SNTG1: variants seen among roughly 807,000 people sequenced by gnomAD.
SNTG1 encodes the protein syntrophin gamma 1, also known as gamma-1-syntrophin.
In SNTG1, 39 loss-of-function variants were observed where a neutral mutation model predicts 74.7. That is an observed-to-expected ratio of 0.52 (90% CI 0.40 to 0.68). The LOEUF (loss-of-function observed/expected upper bound fraction) is 0.68. Among genes scored for constraint, SNTG1 ranks in the 30% least tolerant of loss-of-function variants. The probability of loss-of-function intolerance (pLI) is 0.00; values close to 1 mark genes in which losing one functional copy is unlikely to be tolerated. For missense variants in SNTG1, 685 were observed against 609.5 expected, an observed-to-expected ratio of 1.12 and a Z score of -1.30; for synonymous variants, 254 against 217.1, an observed-to-expected ratio of 1.17 and a Z score of -1.49.
chr8:50,442,680 T>TAAAAAAAAAAAAA (rs5891365), intron 5 of SNTG1, among the ~76,000 whole-genome samples: 23 of 81,168 alleles, frequency 2.8e-4, no homozygotes, highest in South Asian at 2.1e-3. Context: ...TGTCTATCAG[T>TAAAAAAAAAAAAA]AAAAAAAAAA....
intron 8 of SNTG1, among the ~76,000 whole-genome samples, chr8:50,479,954 T>C (rs908278927): frequency 5.3e-5 from 8 of 152,126 alleles, no homozygotes; most frequent in African/African-American, 1.9e-4. Context: ...GTTAGTTGAT[T>C]AGGATAATAA....
At chr8:50,657,299 C>A (rs955881394) in intron 14 of SNTG1, among the ~76,000 whole-genome samples, 1 of 151,646 alleles carries the variant, frequency 6.6e-6, no homozygotes, top group African/African-American at 2.4e-5. Context: ...AATCTCATGA[C>A]GACATGGGAA....
rs117747218 is a variant in SNTG1 at position 50,346,924 on chromosome 8, T to A, written c.-27-47288T>A. On this transcript the variant is annotated intron_variant, in intron 2 of 18. Transcript: ENST00000642720. ...GGTTGAAGTGAGCAGAAGCTGGTCATGAGGTTTAAGGAAAGAAGTCATCTT... is the reference window on the plus strand; with the variant it reads ...GGTTGAAGTGAGCAGAAGCTGGTCAAGAGGTTTAAGGAAAGAAGTCATCTT... 3.5e-4 allele frequency among the ~76,000 whole-genome samples: 54 copies of A among 152,294 alleles called. No homozygotes were observed. In the East Asian group the frequency reaches 0.01, roughly 29 times the overall value.
rs113885756 is a variant in SNTG1, at chr8:50,077,875, T to C, written c.-102-94686T>C. Among the ~76,000 whole-genome samples the C allele has an allele frequency of 7.2e-5, 11 of 152,314 alleles. 1 individual carries two copies. The highest frequency in any genetic ancestry group is 2.4e-4 in the African/African-American group (10 of 41,572). ...ATGCATATGTTTTAAAGTTTTATAG[T>C]TCCAACTCTTACCTTTAGGTCTTTG... On this transcript the variant is annotated intron_variant, in intron 1 of 18. Coordinates refer to ENST00000642720, the MANE Select transcript of SNTG1 (RefSeq NM_018967.5).
chr8:50,094,144 A>C (rs925903546), intron 1 of SNTG1, among the ~76,000 whole-genome samples: 69 of 152,146 alleles, frequency 4.5e-4, no homozygotes, highest in African/African-American at 1.5e-3. Flanking sequence ...GGGTAGGAAG[A>C]AGTAGATAAG....
intron 1 of SNTG1, among the ~76,000 whole-genome samples, chr8:50,102,727 A>C (rs1353904440): frequency 6.6e-6 from 1 of 151,128 alleles, no homozygotes; most frequent in African/African-American, 2.5e-5. Flanking sequence ...ATCTTGAATT[A>C]ATTTTTGTAT....
intron 12 of SNTG1, among the ~76,000 whole-genome samples, chr8:50,589,771 A>C (rs2094680113): frequency 6.6e-6 from 1 of 152,112 alleles, no homozygotes; most frequent in African/African-American, 2.4e-5. Flanking sequence ...AAATGTTTAG[A>C]GATCAGTTTT....
chr8:50,310,609 A>T (rs2130746731), intron 2 of SNTG1, among the ~76,000 whole-genome samples: 1 of 152,248 alleles, frequency 6.6e-6, no homozygotes, highest in South Asian at 2.1e-4. Flanking sequence ...AATCGCTTGA[A>T]CCTGGGAGGC....
chr8:50,367,504 T>C (rs2092147969), intron 2 of SNTG1, among the ~76,000 whole-genome samples: 1 of 152,152 alleles, frequency 6.6e-6, no homozygotes, highest in Admixed American at 6.6e-5. Context: ...GAGAGAAATA[T>C]GTGTTTACTT....
At chr8:50,424,073 T>G (rs2093130938) in intron 4 of SNTG1, among the ~76,000 whole-genome samples, 1 of 152,098 alleles carries the variant, frequency 6.6e-6, no homozygotes, top group South Asian at 2.1e-4. Flanking sequence ...TATCTAGCCC[T>G]AACAACAAAT....
intron 17 of SNTG1, among the ~76,000 whole-genome samples, chr8:50,737,315 T>A (rs1347057653): frequency 2.0e-5 from 3 of 152,060 alleles, no homozygotes; most frequent in Non-Finnish European, 4.4e-5. Context: ...GTAGAATAAA[T>A]GGATAAATTC....
intron 2 of SNTG1, among the ~76,000 whole-genome samples, chr8:50,388,755 A>C (rs978663033): frequency 1.1e-4 from 17 of 152,186 alleles, no homozygotes; most frequent in Non-Finnish European, 4.4e-5. Context: ...AGACCCACCC[A>C]CATTATTGAA....
At chr8:50,689,564 A>G (rs2095368263) in intron 15 of SNTG1, among the ~76,000 whole-genome samples, 2 of 152,006 alleles carry the variant, frequency 1.3e-5, no homozygotes, top group South Asian at 4.2e-4. Context: ...TGATTTGCAT[A>G]TGTTGAACCA....
At chr8:50,315,371 T>C (rs76083721) in intron 2 of SNTG1, among the ~76,000 whole-genome samples, 5,887 of 150,152 alleles carry the variant, frequency 0.039, 260 homozygotes, top group Non-Finnish European at 0.062. Context: ...AATACCTTAG[T>C]AGCATTCAAA....
chr8:50,425,136 G>T (rs921859194), intron 4 of SNTG1, among the ~76,000 whole-genome samples: 1 of 152,080 alleles, frequency 6.6e-6, no homozygotes, highest in Non-Finnish European at 1.5e-5. Flanking sequence ...TTTGCGTCCG[G>T]GCAGGTGAAA....
At chr8:50,043,403 C>T (rs899912706) in intron 1 of SNTG1, among the ~76,000 whole-genome samples, 4 of 152,168 alleles carry the variant, frequency 2.6e-5, no homozygotes, top group Non-Finnish European at 5.9e-5. Context: ...GGCATACCAG[C>T]AGGAACAAGA....
At chr8:50,620,276 A>G (rs1404858873) in intron 13 of SNTG1, among the ~76,000 whole-genome samples, 1 of 152,074 alleles carries the variant, frequency 6.6e-6, no homozygotes, top group Non-Finnish European at 1.5e-5. Context: ...AGTCCGTCTC[A>G]TATTTTTAAT....
rs770677802 is a variant in SNTG1 at position 50,792,965 on chromosome 8, G to C, written c.*136G>C. 1.4e-5 allele frequency: 13 copies of C among 929,590 alleles called. No individual in the cohort carries two copies. The highest frequency in any genetic ancestry group is 2.0e-5 in the Non-Finnish European group (13 of 652,232). 57.6% of individuals were successfully genotyped at this position (929,590 alleles called of 1,614,324 possible). On this transcript the variant is annotated 3_prime_UTR_variant, in exon 19 of 19. Coordinates refer to ENST00000642720, the MANE Select transcript of SNTG1 (RefSeq NM_018967.5). ...AATCAAAATTTCGGCAGAAAAAGAAGGTCATGTGGAACCTCAAAAACACTT... is the reference window on the plus strand; with the variant it reads ...AATCAAAATTTCGGCAGAAAAAGAACGTCATGTGGAACCTCAAAAACACTT...
intron 1 of SNTG1, among the ~76,000 whole-genome samples, chr8:50,134,103 T>C (rs541793019): frequency 6.6e-6 from 1 of 152,262 alleles, no homozygotes; most frequent in South Asian, 2.1e-4. Context: ...TAATATGCCA[T>C]TCATGGAACT....
Sources: allele counts gnomAD v4.1 joint callset (sites outside exome capture counted in the v4.1 genomes callset), GRCh38; gene constraint gnomAD v4.1.1; transcripts MANE v1.5; gene names NCBI Gene and HGNC (gene_info 2026-07-23, HGNC 2026-07-21).